Variants in SMAP1 observed in about 807,000 individuals in gnomAD.
SMAP1 encodes stromal membrane-associated protein 1.
Under a neutral mutation model 58.5 loss-of-function variants are expected in SMAP1, and 24 were observed. The ratio of observed to expected loss-of-function variants is 0.41; its 90% CI spans 0.30 to 0.58. The LOEUF is 0.58. SMAP1 is among the 20% of genes least tolerant of loss of function. The pLI, the probability that SMAP1 is intolerant of heterozygous loss-of-function variation, is 0.29. For synonymous variants in SMAP1, 216 were observed against 196.6 expected (o/e 1.10, Z -0.82); for missense variants, 563 against 566.3 (o/e 0.99, Z 0.06).
chr6:70,751,935 G>A (rs1313144437), intron 2 of SMAP1, among the ~76,000 whole-genome samples: 1 of 152,074 alleles, frequency 6.6e-6, no homozygotes, highest in Non-Finnish European at 1.5e-5. Flanking sequence ...TCTGCTTGAC[G>A]TAGCTTTGGA....
At chr6:70,786,835 T>C (rs1768058808) in intron 4 of SMAP1, among the ~76,000 whole-genome samples, 1 of 152,210 alleles carries the variant, frequency 6.6e-6, no homozygotes, top group Non-Finnish European at 1.5e-5. Flanking sequence ...TCCATGCTCA[T>C]GGACAGGAAG....
intron 1 of SMAP1, among the ~76,000 whole-genome samples, chr6:70,685,044 A>G (rs1198836393): frequency 2.0e-5 from 3 of 152,098 alleles, no homozygotes; most frequent in Admixed American, 1.3e-4. Flanking sequence ...CAGGGTTGTG[A>G]GGATTAACTG....
intron 3 of SMAP1, among the ~76,000 whole-genome samples, chr6:70,764,165 C>T (rs1253449686): frequency 6.6e-6 from 1 of 151,762 alleles, no homozygotes; most frequent in Non-Finnish European, 1.5e-5. Context: ...TCCTGCCTTA[C>T]CCTCTCAAAG....
At chr6:70,800,679 C>G (rs1582214176) in intron 6 of SMAP1, among the ~76,000 whole-genome samples, 1 of 151,372 alleles carries the variant, frequency 6.6e-6, no homozygotes, top group East Asian at 1.9e-4. Context: ...CCCCCACCCC[C>G]TGACAGGCCC....
chr6:70,800,672 C>T (rs910536623), intron 6 of SMAP1, among the ~76,000 whole-genome samples: 1 of 151,666 alleles, frequency 6.6e-6, no homozygotes, highest in Non-Finnish European at 1.5e-5. Flanking sequence ...CCCCAGCCCC[C>T]CACCCCCTGA....
chr6:70,861,894 G>C lies in SMAP1; in HGVS notation c.*1560G>C. ...TGTTGTTATCTGTTTGAGAAAGTCA[G>C]ATTCTTGCATCCCTGGCTGGGATCC... On this transcript the variant is annotated 3_prime_UTR_variant, in exon 11 of 11. Transcript: ENST00000370455. 6.2e-7 allele frequency: 1 copy of C among 1,613,828 alleles called. No homozygotes were observed. The highest frequency in any genetic ancestry group is 8.5e-7 in the Non-Finnish European group (1 of 1,179,934).
intron 6 of SMAP1, among the ~76,000 whole-genome samples, chr6:70,810,393 A>G (rs1308789723): frequency 1.3e-5 from 2 of 152,180 alleles, no homozygotes; most frequent in Admixed American, 6.6e-5. Context: ...CACAAAATCC[A>G]TGTAAGCAAG....
intron 5 of SMAP1, among the ~76,000 whole-genome samples, chr6:70,796,673 T>A (rs1768621823): frequency 6.6e-6 from 1 of 152,184 alleles, no homozygotes; most frequent in Non-Finnish European, 1.5e-5. Flanking sequence ...AGATCTTTTT[T>A]GAGAACTATC....
intron 1 of SMAP1, among the ~76,000 whole-genome samples, chr6:70,696,861 T>TG (rs1021359965): frequency 1.3e-5 from 2 of 152,226 alleles, no homozygotes. Context: ...GCTATTAACT[T>TG]GGGGTATATC....
chr6:70,808,949 T>TAA lies in SMAP1; in HGVS notation c.576+10213_576+10214insAA, dbSNP rs1017034078. Among the ~76,000 whole-genome samples the TAA allele has an allele frequency of 2.7e-5, 4 of 147,264 alleles. No homozygotes were observed. The East Asian group carries it at 8.4e-4, about 31-fold the overall frequency. On this transcript the variant is annotated intron_variant, in intron 6 of 10. Coordinates refer to ENST00000370455, the MANE Select transcript of SMAP1 (RefSeq NM_001044305.3). The stretch of plus-strand genomic sequence containing the variant: ...GTGTGTGTGTGTGTGTGTACACACT[T>TAA]ACTGGTTTCTTGCATATATGCCTTG...
At chr6:70,852,774 T>G in intron 8 of SMAP1, 110 bp downstream of exon 8, 1 of 1,261,010 alleles carries the variant, frequency 7.9e-7, no homozygotes, top group Non-Finnish European at 1.0e-6. Context: ...GATTTAAAAG[T>G]CTCCTGTTCT....
chr6:70,763,060 A>G (rs1358145251), intron 3 of SMAP1, among the ~76,000 whole-genome samples: 2 of 137,772 alleles, frequency 1.5e-5, no homozygotes, highest in East Asian at 4.2e-4. Flanking sequence ...ACATAGGAAT[A>G]CCTTGTTTTA....
intron 3 of SMAP1, among the ~76,000 whole-genome samples, chr6:70,764,020 G>A (rs973567291): frequency 1.3e-5 from 2 of 151,898 alleles, no homozygotes; most frequent in African/African-American, 2.4e-5. Context: ...TCAAGCGATC[G>A]TTCTGCCTCA....
chr6:70,817,267 T>C (rs1228545140), intron 6 of SMAP1, among the ~76,000 whole-genome samples: 1 of 152,100 alleles, frequency 6.6e-6, no homozygotes, highest in Non-Finnish European at 1.5e-5. Context: ...CCTTTATTGC[T>C]TTAGTATTGT....
At chr6:70,701,058 G>A (rs1325936039) in intron 1 of SMAP1, among the ~76,000 whole-genome samples, 1 of 152,162 alleles carries the variant, frequency 6.6e-6, no homozygotes. Context: ...CACACGGAAG[G>A]AAGGAGTCTC....
Position 70,814,401 on chromosome 6 carries a change from T to C in SMAP1, c.576+15664T>C, listed in dbSNP as rs1428379849. Among the ~76,000 whole-genome samples the C allele has an allele frequency of 1.3e-5, 2 of 152,304 alleles. 1 individual carries two copies. The highest frequency in any genetic ancestry group is 4.1e-4 in the South Asian group (2 of 4,826). On this transcript the variant is annotated intron_variant, in intron 6 of 10. Coordinates refer to ENST00000370455, the MANE Select transcript of SMAP1 (RefSeq NM_001044305.3). ...CATCTGTAGACTCTGATGAGAACAT[T>C]GATAGCAGTGGATGTAATAATCTTA...
intron 3 of SMAP1, among the ~76,000 whole-genome samples, chr6:70,771,964 C>T (rs1394915501): frequency 6.6e-6 from 1 of 152,180 alleles, no homozygotes; most frequent in African/African-American, 2.4e-5. Flanking sequence ...CTGGAGCTGT[C>T]CCGTCTGCCC....
intron 7 of SMAP1, among the ~76,000 whole-genome samples, chr6:70,837,343 T>C (rs2149998478): frequency 6.6e-6 from 1 of 152,100 alleles, no homozygotes; most frequent in Non-Finnish European, 1.5e-5. Flanking sequence ...TTTTCTCTTC[T>C]CTCTCTCTCT....
chr6:70,676,861 C>T (rs1033561558), intron 1 of SMAP1, among the ~76,000 whole-genome samples: 8 of 152,150 alleles, frequency 5.3e-5, no homozygotes, highest in South Asian at 2.1e-4. Flanking sequence ...TAGCCCATTG[C>T]GGCCTCTAAC....
Sources: allele counts gnomAD v4.1 joint callset (sites outside exome capture counted in the v4.1 genomes callset), GRCh38; gene constraint gnomAD v4.1.1; transcripts MANE v1.5; gene names NCBI Gene and HGNC (gene_info 2026-07-23, HGNC 2026-07-21).